Variants in AGBL1 observed in about 807,000 individuals in gnomAD.
AGBL1 encodes cytosolic carboxypeptidase 4.
AGBL1 carries 130 observed loss-of-function variants against 118.9 expected under a neutral mutation model. That is an observed-to-expected ratio of 1.09 (90% confidence interval 0.95 to 1.26). The LOEUF is 1.26. Ranked by LOEUF, AGBL1 falls within the 50% of genes most tolerant of loss-of-function variation. The pLI is 0.00. For synonymous variants in AGBL1, 555 were observed against 478.9 expected, an observed-to-expected ratio of 1.16 and a Z score of -2.08; for missense variants, 1,584 against 1,298.1, an observed-to-expected ratio of 1.22 and a Z score of -3.38.
intron 18 of AGBL1, among the ~76,000 whole-genome samples, chr15:86,475,186 C>A (rs138603149): frequency 6.6e-6 from 1 of 152,150 alleles, no homozygotes; most frequent in Admixed American, 6.5e-5. Context: ...TCCAAAGGAA[C>A]GCGACTCATT....
At chr15:86,282,156 A>G (rs1257326881) in intron 16 of AGBL1, among the ~76,000 whole-genome samples, 2 of 152,140 alleles carry the variant, frequency 1.3e-5, no homozygotes, top group Admixed American at 6.5e-5. Context: ...AAAATTTGCA[A>G]TTGATAAATA....
chr15:86,916,685 G>C (rs902611505), downstream of AGBL1, among the ~76,000 whole-genome samples: 2 of 152,154 alleles, frequency 1.3e-5, no homozygotes, highest in African/African-American at 4.8e-5. Flanking sequence ...CTCCATTGGA[G>C]GGTGAAGGGC....
At chr15:86,642,321 C>A (rs1016420579) in intron 21 of AGBL1, among the ~76,000 whole-genome samples, 1 of 152,150 alleles carries the variant, frequency 6.6e-6, no homozygotes, top group Non-Finnish European at 1.5e-5. Flanking sequence ...TATTGTCATG[C>A]ATCTCATTCC....
chr15:86,374,716 A>G (rs2081015227), intron 17 of AGBL1, among the ~76,000 whole-genome samples: 1 of 152,218 alleles, frequency 6.6e-6, no homozygotes, highest in Non-Finnish European at 1.5e-5. Flanking sequence ...CTCCATGGGT[A>G]TCTCTCATGA....
chr15:86,611,358 A>G (rs2084650822), intron 21 of AGBL1, among the ~76,000 whole-genome samples: 2 of 152,218 alleles, frequency 1.3e-5, no homozygotes, highest in African/African-American at 4.8e-5. Context: ...CACCCCAACC[A>G]CTGGTGATCC....
chr15:86,807,146 C>A (rs2078726221), intron 22 of AGBL1, among the ~76,000 whole-genome samples: 2 of 152,058 alleles, frequency 1.3e-5, no homozygotes, highest in South Asian at 2.1e-4. Context: ...GGGTAAAGAT[C>A]TAAATAAGAT....
chr15:86,266,456 T>C lies in AGBL1; in HGVS notation c.1750T>C (p.Trp584Arg), dbSNP rs1413507410. 1 of 1,560,644 alleles carries C rather than the reference T, an allele frequency of 6.4e-7. No homozygotes were observed. Among genetic ancestry groups the C allele is most frequent in the African/African-American group, 1.4e-5 (1 of 73,892 alleles). The change falls in exon 12 of 23, where the codon TGG becomes CGG. Residue 584 changes from tryptophan to arginine, a missense_variant and splice_region_variant. Trp to Arg is a moderately radical substitution (Grantham distance 101). Coordinates refer to ENST00000614907, the MANE Select transcript of AGBL1 (RefSeq NM_001386094.1). ...AGTTGTCTTCAGTTTAGATGAGCCTTGGTAGGTAGTCTCGTGCATCTGAGG... is the reference window on the plus strand; with the variant it reads ...AGTTGTCTTCAGTTTAGATGAGCCTCGGTAGGTAGTCTCGTGCATCTGAGG... ...NKVVFSLDEP[W>R]PLQDNASNCL...
intron 17 of AGBL1, among the ~76,000 whole-genome samples, chr15:86,357,835 G>A (rs2080744760): frequency 6.6e-6 from 1 of 151,996 alleles, no homozygotes; most frequent in Non-Finnish European, 1.5e-5. Context: ...CCCAATTCAT[G>A]CACAGGCCTT....
At chr15:86,598,612 T>C (rs1327435444) in intron 21 of AGBL1, among the ~76,000 whole-genome samples, 1 of 152,118 alleles carries the variant, frequency 6.6e-6, no homozygotes. Context: ...CTTAATGACT[T>C]CTGCCAGAGT....
intron 17 of AGBL1, among the ~76,000 whole-genome samples, chr15:86,315,717 CAAAA>C (rs35136419): frequency 1.6e-5 from 2 of 127,498 alleles, no homozygotes; most frequent in Non-Finnish European, 1.6e-5. Flanking sequence ...GACTTTTTCT[CAAAA>C]AAAAAAAAAA....
chr15:86,748,022 T>A (rs1278945217), intron 22 of AGBL1, among the ~76,000 whole-genome samples: 2 of 152,188 alleles, frequency 1.3e-5, no homozygotes, highest in African/African-American at 2.4e-5. Flanking sequence ...TCAAATGGTA[T>A]TTCTAGTTCT....
At chr15:86,768,538 C>T (rs775931532) in intron 22 of AGBL1, among the ~76,000 whole-genome samples, 4 of 151,810 alleles carry the variant, frequency 2.6e-5, no homozygotes, top group Non-Finnish European at 4.4e-5. Flanking sequence ...GCTTTTTATG[C>T]TTGGGATGCC....
At chr15:86,810,182 C>A (rs1439429680) in intron 22 of AGBL1, among the ~76,000 whole-genome samples, 1 of 152,088 alleles carries the variant, frequency 6.6e-6, no homozygotes, top group Admixed American at 6.6e-5. Context: ...TAAGTAGATT[C>A]TTAGTTCTGC....
intron 24 of AGBL1, among the ~76,000 whole-genome samples, chr15:87,009,049 A>G (rs932625840): frequency 2.0e-5 from 3 of 152,208 alleles, no homozygotes; most frequent in Non-Finnish European, 2.9e-5. Context: ...TGGCTATAGA[A>G]ATTTGCATAA....
intron 23 of AGBL1, among the ~76,000 whole-genome samples, chr15:86,947,876 A>AT (rs2080841958): frequency 1.3e-5 from 2 of 152,082 alleles, no homozygotes; most frequent in Non-Finnish European, 2.9e-5. Context: ...AAAATATAGT[A>AT]TTTTTTCTGC....
intron 21 of AGBL1, among the ~76,000 whole-genome samples, chr15:86,617,111 G>A (rs931213400): frequency 6.6e-6 from 1 of 152,124 alleles, no homozygotes; most frequent in African/African-American, 2.4e-5. Flanking sequence ...CCTTAGCAAA[G>A]TACCTTTGGC....
chr15:86,907,923 T>C lies in AGBL1; in HGVS notation c.*629T>C, dbSNP rs1224098736. Reference sequence around the variant, plus strand: ...CAGGCCAGAAGCTGCACTAGACTCTTAGAAATAAGACATTGTCACTGATCT... The same window carrying C: ...CAGGCCAGAAGCTGCACTAGACTCTCAGAAATAAGACATTGTCACTGATCT... On this transcript the variant is annotated 3_prime_UTR_variant, in exon 23 of 23. Transcript: ENST00000614907. 1.3e-5 allele frequency: 2 copies of C among 152,160 alleles called. No homozygotes were observed. The highest frequency in any genetic ancestry group is 2.9e-5 in the Non-Finnish European group (2 of 68,040). The allele number at this position is 152,160 out of a possible 1,614,324, so 9.4% of individuals were successfully genotyped here.
At chr15:86,638,223 A>T (rs1051992163) in intron 21 of AGBL1, among the ~76,000 whole-genome samples, 1 of 152,236 alleles carries the variant, frequency 6.6e-6, no homozygotes, top group South Asian at 2.1e-4. Flanking sequence ...AAATATTGCA[A>T]TACAACAGTT....
intron 21 of AGBL1, among the ~76,000 whole-genome samples, chr15:86,658,911 G>A (rs2085499784): frequency 6.6e-6 from 1 of 152,136 alleles, no homozygotes; most frequent in Non-Finnish European, 1.5e-5. Context: ...AGCTGTTTGG[G>A]ATGCACTACC....
Sources: gnomAD v4.1 joint callset for allele counts (sites outside exome capture counted in the v4.1 genomes callset) on GRCh38, gnomAD v4.1.1 for gene constraint, MANE v1.5 for transcripts, NCBI Gene and HGNC (gene_info 2026-07-23, HGNC 2026-07-21) for gene names.